The following ST8SIA2 variants were observed in gnomAD, a reference collection of about 807,000 sequenced individuals.
The protein encoded by ST8SIA2 is alpha-2,8-sialyltransferase 8B.
A neutral mutation model predicts 37.6 loss-of-function variants in ST8SIA2; 22 were observed. The observed-to-expected ratio is 0.58, with a 90% confidence interval of 0.42 to 0.83. The LOEUF (loss-of-function observed/expected upper bound fraction) is 0.83. Among genes scored for constraint, ST8SIA2 ranks in the 40% least tolerant of loss-of-function variants. The pLI, the probability that ST8SIA2 is intolerant of heterozygous loss-of-function variation, is 0.00. For synonymous variants in ST8SIA2, 205 were observed against 201.2 expected (o/e 1.02, Z -0.16); for missense variants, 382 against 484.7 (o/e 0.79, Z 1.99).
chr15:92,395,079 C>G (rs1053367812), intron 1 of ST8SIA2, among the ~76,000 whole-genome samples: 4 of 152,130 alleles, frequency 2.6e-5, no homozygotes, highest in African/African-American at 9.7e-5. Flanking sequence ...CCCCGCCCCG[C>G]AGCCTTCGGC....
At position 92,438,581 on chromosome 15, in the gene ST8SIA2, G is replaced by A. The variant is rs1364504230; in HGVS notation, c.519G>A (p.Gln173=). ...SGVLLNSGCG[Q]EIDAHSFVIR... is the part of the protein sequence containing the mutation. ...TCTTGCTGAACAGCGGCTGTGGGCA[G>A]GAGATTGACGCCCACAGCTTCGTCA... Residue 173 remains glutamine (Q), a synonymous_variant, in exon 4 of 6, where the codon CAG becomes CAA. Coordinates refer to ENST00000268164, the MANE Select transcript of ST8SIA2 (RefSeq NM_006011.4). 2.5e-6 allele frequency: 4 copies of A among 1,610,884 alleles called. No homozygotes were observed. In the African/African-American group the frequency reaches 5.4e-5, roughly 22 times the overall value.
intron 5 of ST8SIA2, among the ~76,000 whole-genome samples, chr15:92,454,973 A>C (rs2049910211): frequency 6.6e-6 from 1 of 151,992 alleles, no homozygotes; most frequent in Admixed American, 6.5e-5. Flanking sequence ...GTGCTTAATT[A>C]GGCACCAGGA....
In ST8SIA2 at chr15:92,438,553, G is replaced by A; in HGVS notation, c.491G>A (p.Gly164Glu). 6.2e-7 allele frequency: 1 copy of A among 1,613,964 alleles called. No individual in the cohort carries two copies. The highest frequency in any genetic ancestry group is 8.5e-7 in the Non-Finnish European group (1 of 1,179,862). Residue 164 changes from glycine (G) to glutamate (E), a missense_variant, in exon 4 of 6, where the codon GGG becomes GAG. Transcript: ENST00000268164. ...FGTCAIVGNS[G>E]VLLNSGCGQE... ...ACTTGTGCCATCGTGGGCAACTCGGGGGTCTTGCTGAACAGCGGCTGTGGG... is the reference window on the plus strand; with the variant it reads ...ACTTGTGCCATCGTGGGCAACTCGGAGGTCTTGCTGAACAGCGGCTGTGGG...
chr15:92,464,143 G>A lies in ST8SIA2; in HGVS notation c.886G>A (p.Gly296Ser), dbSNP rs770430761. 2.0e-6 allele frequency: 3 copies of A among 1,487,868 alleles called. No homozygotes were observed. The highest frequency in any genetic ancestry group is 2.8e-5 in the East Asian group (1 of 36,060). The allele number at this position is 1,487,868 out of a possible 1,614,324, so 92.2% of individuals were successfully genotyped here. Reference protein sequence around the residue: ...NKVHIKRPTTGLLMYTLATRF... With the variant: ...NKVHIKRPTTSLLMYTLATRF... ...AGTCCACATCAAAAGACCCACCACC[G>A]GCCTCTTGATGTATACCCTGGCCAC... is the stretch of plus-strand genomic sequence containing the variant. The change falls in exon 6 of 6, where the codon GGC (glycine) becomes AGC (serine). Residue 296 changes from glycine to serine, a missense_variant. By Grantham distance (56) the Gly-to-Ser change is moderately conservative (BLOSUM62 0). Coordinates refer to ENST00000268164, the MANE Select transcript of ST8SIA2 (RefSeq NM_006011.4).
At chr15:92,423,684 C>G (rs1006102361) in intron 1 of ST8SIA2, among the ~76,000 whole-genome samples, 3 of 152,228 alleles carry the variant, frequency 2.0e-5, no homozygotes, top group African/African-American at 4.8e-5. Context: ...CAAAAGTCCT[C>G]TTTATAGTGG....
At chr15:92,426,350 T>C (rs561065491) in intron 1 of ST8SIA2, among the ~76,000 whole-genome samples, 2 of 152,160 alleles carry the variant, frequency 1.3e-5, no homozygotes, top group African/African-American at 2.4e-5. Context: ...GGCGGGCTGG[T>C]GGAACCGGGG....
intron 5 of ST8SIA2, among the ~76,000 whole-genome samples, chr15:92,455,945 C>G (rs1444716773): frequency 6.6e-6 from 1 of 152,214 alleles, no homozygotes; most frequent in African/African-American, 2.4e-5. Flanking sequence ...TTATATTTAC[C>G]AATCCAATGA....
intron 4 of ST8SIA2, among the ~76,000 whole-genome samples, chr15:92,440,999 C>T (rs1336798343): frequency 6.6e-6 from 1 of 152,246 alleles, no homozygotes; most frequent in Admixed American, 6.5e-5. Context: ...CTCTGGGCCT[C>T]CCGTACAAGG....
intron 4 of ST8SIA2, among the ~76,000 whole-genome samples, chr15:92,440,820 G>C (rs140407854): frequency 1.3e-5 from 2 of 152,340 alleles, no homozygotes; most frequent in East Asian, 1.9e-4. Flanking sequence ...ACAGTAAAGA[G>C]AGCATGATGT....
chr15:92,460,817 G>C (rs1004698090), intron 5 of ST8SIA2, among the ~76,000 whole-genome samples: 4 of 152,224 alleles, frequency 2.6e-5, no homozygotes, highest in African/African-American at 9.6e-5. Context: ...CTTGGGGTCA[G>C]AAGGCCTGAA....
At chr15:92,414,394 T>A (rs1371137150) in intron 1 of ST8SIA2, among the ~76,000 whole-genome samples, 4 of 152,204 alleles carry the variant, frequency 2.6e-5, no homozygotes, top group Non-Finnish European at 5.9e-5. Flanking sequence ...TGAGACTACA[T>A]TCCAGTTTTG....
chr15:92,439,851 G>A (rs2141835416), intron 4 of ST8SIA2, among the ~76,000 whole-genome samples: 1 of 152,220 alleles, frequency 6.6e-6, no homozygotes, highest in East Asian at 1.9e-4. Flanking sequence ...AGCCAGAGAA[G>A]GAGTGACGGG....
chr15:92,446,260 G>A (rs1045594754), intron 5 of ST8SIA2, among the ~76,000 whole-genome samples: 2 of 152,174 alleles, frequency 1.3e-5, no homozygotes, highest in African/African-American at 4.8e-5. Flanking sequence ...CTCTCCGCAT[G>A]GGCTAGATTG....
At chr15:92,432,698 T>C (rs2049724654) in intron 2 of ST8SIA2, among the ~76,000 whole-genome samples, 1 of 152,182 alleles carries the variant, frequency 6.6e-6, no homozygotes, top group African/African-American at 2.4e-5. Flanking sequence ...CTCTATCCTC[T>C]GCGAAGTTAC....
intron 3 of ST8SIA2, 33 bp from the exon 4 acceptor site, chr15:92,438,320 G>C (rs770166966): frequency 6.2e-7 from 1 of 1,614,164 alleles, no homozygotes; most frequent in Admixed American, 1.7e-5. Context: ...TGGCACCCTG[G>C]AGAATTTCCT....
rs1444962214 is a variant in ST8SIA2 at position 92,434,358 on chromosome 15, G to T, written c.273G>T (p.Thr91=). The T allele has an allele frequency of 4.3e-6, 7 of 1,613,998 alleles. No homozygotes were observed. Among genetic ancestry groups the T allele is most frequent in the Non-Finnish European group, 5.1e-6 (6 of 1,180,026 alleles). Residue 91 remains threonine, a synonymous_variant, in exon 3 of 6, where the codon ACG becomes ACT. Coordinates refer to ENST00000268164, the MANE Select transcript of ST8SIA2 (RefSeq NM_006011.4). ...PASSKWRHNQ[T]LSLRIRKQIL... is the part of the protein sequence containing the mutation. ...CGTCCAAATGGAGACATAACCAGAC[G>T]CTCTCTCTGAGGATCAGGTACTGGT...
At chr15:92,410,916 G>A (rs756273365) in intron 1 of ST8SIA2, among the ~76,000 whole-genome samples, 3 of 152,174 alleles carry the variant, frequency 2.0e-5, no homozygotes, top group Non-Finnish European at 4.4e-5. Context: ...CCTAGATGGA[G>A]AGAATGGCCA....
intron 1 of ST8SIA2, among the ~76,000 whole-genome samples, chr15:92,409,138 G>A (rs2049531378): frequency 6.6e-6 from 1 of 152,188 alleles, no homozygotes. Flanking sequence ...GAGGTCTCGT[G>A]CACAGAAGCC....
At chr15:92,394,821 G>C (rs370141125) in intron 1 of ST8SIA2, among the ~76,000 whole-genome samples, 2 of 152,174 alleles carry the variant, frequency 1.3e-5, no homozygotes, top group East Asian at 1.9e-4. Flanking sequence ...GCCAAGCCAC[G>C]GCAACCCCGG....
Sources: allele counts gnomAD v4.1 joint callset (sites outside exome capture counted in the v4.1 genomes callset), GRCh38; gene constraint gnomAD v4.1.1; transcripts MANE v1.5; gene names NCBI Gene and HGNC (gene_info 2026-07-23, HGNC 2026-07-21).